The following SGMS1 variants were observed in gnomAD, a reference collection of about 807,000 sequenced individuals.
SGMS1 encodes the protein sphingomyelin synthase 1.
SGMS1 carries 13 observed loss-of-function variants against 46.2 expected under a neutral mutation model. That is an observed-to-expected ratio of 0.28 (90% CI 0.18 to 0.45). The LOEUF (loss-of-function observed/expected upper bound fraction) is 0.45. Among genes scored for constraint, SGMS1 ranks in the 20% least tolerant of loss-of-function variants. SGMS1 has a pLI of 1.00. For synonymous variants in SGMS1, 203 were observed against 187.8 expected (o/e 1.08, Z -0.66); for missense variants, 324 against 519.9 (o/e 0.62, Z 3.66).
At chr10:50,371,182 G>A (rs990754985) in intron 6 of SGMS1, among the ~76,000 whole-genome samples, 1 of 152,168 alleles carries the variant, frequency 6.6e-6, no homozygotes, top group Non-Finnish European at 1.5e-5. Context: ...TACACCAGTA[G>A]GCTATATAGG....
At position 50,376,769 on chromosome 10, in the gene SGMS1, T is replaced by C. The variant is rs531302312; in HGVS notation, c.-231-32424A>G. ...CCTACAAAGGACATGAACTCATCTTTTCTTGTGGCTGCATAGTATTCCATG... is the reference window on the plus strand; with the variant it reads ...CCTACAAAGGACATGAACTCATCTTCTCTTGTGGCTGCATAGTATTCCATG... On this transcript the variant is annotated intron_variant, in intron 6 of 10. Coordinates refer to ENST00000361781, the MANE Select transcript of SGMS1 (RefSeq NM_147156.4). Among the ~76,000 whole-genome samples, 21 of 152,326 alleles carry C rather than the reference T, an allele frequency of 1.4e-4. No homozygotes were observed. In the South Asian group the frequency reaches 1.7e-3, roughly 12 times the overall value.
chr10:50,353,201 C>T (rs1414819873), intron 6 of SGMS1, among the ~76,000 whole-genome samples: 1 of 152,284 alleles, frequency 6.6e-6, no homozygotes, highest in African/African-American at 2.4e-5. Flanking sequence ...AAAATACTGG[C>T]AAACCGAATC....
intron 2 of SGMS1, among the ~76,000 whole-genome samples, chr10:50,543,288 G>A (rs921866096): frequency 2.6e-5 from 4 of 152,214 alleles, no homozygotes; most frequent in Non-Finnish European, 5.9e-5. Flanking sequence ...AAAGGAAAGA[G>A]GACAGCAGAG....
chr10:50,354,339 G>T (rs1162982674), intron 6 of SGMS1, among the ~76,000 whole-genome samples: 1 of 152,190 alleles, frequency 6.6e-6, no homozygotes, highest in Non-Finnish European at 1.5e-5. Context: ...AAGAAATGGG[G>T]AATGGATTCC....
intron 6 of SGMS1, among the ~76,000 whole-genome samples, chr10:50,375,425 A>T (rs1193056485): frequency 1.3e-5 from 2 of 152,206 alleles, no homozygotes; most frequent in African/African-American, 4.8e-5. Flanking sequence ...ACCTTGTAGC[A>T]GGCATGGCTC....
At chr10:50,478,571 T>C (rs1342055494) in intron 3 of SGMS1, among the ~76,000 whole-genome samples, 4 of 152,162 alleles carry the variant, frequency 2.6e-5, no homozygotes, top group Non-Finnish European at 4.4e-5. Context: ...AATTGTACCA[T>C]CCATTTTTGT....
At chr10:50,396,477 G>C (rs1412426949) in intron 6 of SGMS1, among the ~76,000 whole-genome samples, 3 of 152,270 alleles carry the variant, frequency 2.0e-5, no homozygotes, top group African/African-American at 4.8e-5. Flanking sequence ...CCGTGGAAGG[G>C]GGGATATTTT....
At chr10:50,407,821 C>A (rs116154602) in intron 6 of SGMS1, among the ~76,000 whole-genome samples, 2 of 152,082 alleles carry the variant, frequency 1.3e-5, no homozygotes, top group Non-Finnish European at 2.9e-5. Context: ...GCCAGTTAAA[C>A]CCCTGAAATA....
intron 5 of SGMS1, among the ~76,000 whole-genome samples, chr10:50,442,648 T>C (rs1425876672): frequency 6.6e-6 from 1 of 152,218 alleles, no homozygotes. Flanking sequence ...GCAATGAACA[T>C]ACCTGTGCAT....
chr10:50,494,775 A>G (rs1016985127), intron 3 of SGMS1, among the ~76,000 whole-genome samples: 4 of 152,106 alleles, frequency 2.6e-5, no homozygotes, highest in African/African-American at 4.8e-5. Context: ...GGTGGCTCAC[A>G]CCTGTAATCC....
chr10:50,377,009 T>TGCAA (rs1848531720), intron 6 of SGMS1, among the ~76,000 whole-genome samples: 2 of 152,240 alleles, frequency 1.3e-5, no homozygotes, highest in Non-Finnish European at 2.9e-5. Context: ...AAGAACTTCT[T>TGCAA]GCAACAGTCT....
intron 2 of SGMS1, among the ~76,000 whole-genome samples, chr10:50,572,593 T>C (rs138893234): frequency 2.0e-5 from 3 of 152,268 alleles, no homozygotes; most frequent in East Asian, 3.9e-4. Context: ...ATCTGTTTTG[T>C]ACACTGAGTT....
chr10:50,609,797 A>G (rs1838732739), intron 1 of SGMS1, among the ~76,000 whole-genome samples: 2 of 151,864 alleles, frequency 1.3e-5, no homozygotes, highest in Admixed American at 6.6e-5. Context: ...GTGAGCATCT[A>G]CGGTCTCACT....
At chr10:50,499,836 C>T (rs12763713) in intron 3 of SGMS1, among the ~76,000 whole-genome samples, 21 of 152,272 alleles carry the variant, frequency 1.4e-4, no homozygotes, top group Non-Finnish European at 2.4e-4. Flanking sequence ...ATATTTTAAA[C>T]GTATGGCTTA....
At chr10:50,561,624 C>T (rs934307688) in intron 2 of SGMS1, among the ~76,000 whole-genome samples, 6 of 152,206 alleles carry the variant, frequency 3.9e-5, no homozygotes, top group African/African-American at 1.4e-4. Flanking sequence ...ACACCGATTA[C>T]AGACACTCAC....
intron 3 of SGMS1, among the ~76,000 whole-genome samples, chr10:50,515,585 T>C (rs1267701858): frequency 3.3e-5 from 5 of 152,208 alleles, no homozygotes; most frequent in African/African-American, 7.2e-5. Context: ...CAGTGTGCCA[T>C]AGAGCCTGAT....
chr10:50,440,217 C>T (rs1479487873), intron 5 of SGMS1, among the ~76,000 whole-genome samples: 1 of 151,760 alleles, frequency 6.6e-6, no homozygotes, highest in Non-Finnish European at 1.5e-5. Flanking sequence ...TAAAACACCC[C>T]AGGTCACATC....
intron 4 of SGMS1, among the ~76,000 whole-genome samples, chr10:50,461,111 G>A (rs563227847): frequency 1.3e-5 from 2 of 151,878 alleles, no homozygotes; most frequent in African/African-American, 4.8e-5. Context: ...ACTATAAAAG[G>A]TGTTTCTCCT....
At chr10:50,456,990 A>G (rs1210795196) in intron 5 of SGMS1, among the ~76,000 whole-genome samples, 1 of 152,218 alleles carries the variant, frequency 6.6e-6, no homozygotes, top group Non-Finnish European at 1.5e-5. Flanking sequence ...TTTTCTCATC[A>G]TATCTGAAAG....
Sources: allele counts gnomAD v4.1 joint callset (sites outside exome capture counted in the v4.1 genomes callset), GRCh38; gene constraint gnomAD v4.1.1; transcripts MANE v1.5; gene names NCBI Gene and HGNC (gene_info 2026-07-23, HGNC 2026-07-21).